Variants in GPC6 observed in about 807,000 individuals in gnomAD.
GPC6 encodes glypican 6.
In GPC6, 14 loss-of-function variants were observed where a neutral mutation model predicts 55.2. The observed-to-expected ratio is 0.25, with a 90% CI of 0.17 to 0.40. The LOEUF (loss-of-function observed/expected upper bound fraction) is 0.40, where lower values mean the gene tolerates loss of function less well. Ranked by LOEUF, GPC6 falls within the 10% of genes least tolerant of loss-of-function variation. GPC6 has a pLI of 1.00. For missense variants in GPC6, 641 were observed against 708.5 expected (o/e 0.90, Z 1.08); for synonymous variants, 278 against 259.6 (o/e 1.07, Z -0.68).
chr13:93,549,621 C>T (rs531378906), intron 2 of GPC6, among the ~76,000 whole-genome samples: 1 of 152,280 alleles, frequency 6.6e-6, no homozygotes, highest in South Asian at 2.1e-4. Flanking sequence ...CTCTCCAGTG[C>T]TTTCCAGTTC....
At chr13:93,413,710 A>G (rs1413168000) in intron 1 of GPC6, among the ~76,000 whole-genome samples, 1 of 152,132 alleles carries the variant, frequency 6.6e-6, no homozygotes, top group Non-Finnish European at 1.5e-5. Flanking sequence ...ACCTATTTTC[A>G]AGGATGTAGA....
intron 6 of GPC6, among the ~76,000 whole-genome samples, chr13:94,339,624 A>C (rs987644765): frequency 2.6e-5 from 4 of 152,136 alleles, no homozygotes; most frequent in Non-Finnish European, 5.9e-5. Context: ...TTGTAGGTCA[A>C]AGTAGTAAAA....
chr13:93,409,499 G>A (rs2139242714), intron 1 of GPC6, among the ~76,000 whole-genome samples: 1 of 152,226 alleles, frequency 6.6e-6, no homozygotes, highest in South Asian at 2.1e-4. Context: ...AAAAAGGGAA[G>A]GTGTTGCCTC....
intron 3 of GPC6, among the ~76,000 whole-genome samples, chr13:93,903,483 T>C (rs1376530160): frequency 6.6e-6 from 1 of 152,228 alleles, no homozygotes; most frequent in Admixed American, 6.5e-5. Flanking sequence ...TTTCTACTTT[T>C]CTTAATGCTC....
At chr13:93,867,573 A>C (rs1291750816) in intron 3 of GPC6, among the ~76,000 whole-genome samples, 1 of 151,766 alleles carries the variant, frequency 6.6e-6, no homozygotes, top group Non-Finnish European at 1.5e-5. Flanking sequence ...TAGTCATTCC[A>C]TTTGTATAAA....
rs117796322 is a variant in GPC6, at chr13:93,999,041, T to C, written c.712-28688T>C. Reference sequence around the variant, plus strand: ...CTGCTTCTATGAGTTTGAATTTTTTTTATTATAGTTTAAGTTCTGGGGTAC... The same window carrying C: ...CTGCTTCTATGAGTTTGAATTTTTTCTATTATAGTTTAAGTTCTGGGGTAC... On this transcript the variant is annotated intron_variant, in intron 3 of 8. Coordinates refer to ENST00000377047, the MANE Select transcript of GPC6 (RefSeq NM_005708.5). 6.6e-3 allele frequency among the ~76,000 whole-genome samples: 1,010 copies of C among 152,298 alleles called. 9 individuals are homozygous for C. The highest frequency in any genetic ancestry group is 0.02 in the Middle Eastern group (6 of 294).
At position 94,217,727 on chromosome 13, in the gene GPC6, A is replaced by G. The variant is rs186214703; in HGVS notation, c.878-68622A>G. Among the ~76,000 whole-genome samples the G allele has an allele frequency of 5.1e-3, 777 of 152,336 alleles. 3 individuals are homozygous for G. Among genetic ancestry groups the G allele is most frequent in the South Asian group, 0.012 (58 of 4,830 alleles). On this transcript the variant is annotated intron_variant, in intron 4 of 8. Transcript: ENST00000377047. ...TGAAACATTAAAAAGAAGCATAAAT[A>G]AAGCAAGTAGGATCAGTGGTTAAGA... is the stretch of plus-strand genomic sequence containing the variant.
intron 1 of GPC6, among the ~76,000 whole-genome samples, chr13:93,502,620 A>T (rs547483016): frequency 6.6e-6 from 1 of 152,264 alleles, no homozygotes; most frequent in African/African-American, 2.4e-5. Context: ...ACACTGGAAG[A>T]ATATTTCTTC....
chr13:93,235,825 A>G (rs1184253503), intron 1 of GPC6, among the ~76,000 whole-genome samples: 3 of 132,476 alleles, frequency 2.3e-5, no homozygotes, highest in Non-Finnish European at 4.7e-5. Flanking sequence ...GTTATTTCAC[A>G]TAACAAGAAG....
At chr13:94,226,219 T>C (rs941860192) in intron 4 of GPC6, among the ~76,000 whole-genome samples, 1 of 152,132 alleles carries the variant, frequency 6.6e-6, no homozygotes, top group Non-Finnish European at 1.5e-5. Context: ...CATAAATAAT[T>C]TTTGCTTAGT....
intron 3 of GPC6, among the ~76,000 whole-genome samples, chr13:94,001,151 C>A (rs756471545): frequency 5.9e-5 from 9 of 152,252 alleles, no homozygotes; most frequent in Middle Eastern, 3.4e-3. Flanking sequence ...TTATTGAACA[C>A]CTTAGGCAAG....
At chr13:93,906,684 T>C (rs1876688188) in intron 3 of GPC6, among the ~76,000 whole-genome samples, 2 of 152,178 alleles carry the variant, frequency 1.3e-5, no homozygotes, top group African/African-American at 2.4e-5. Flanking sequence ...AGGAGGTGTA[T>C]TCAAATGACG....
intron 2 of GPC6, among the ~76,000 whole-genome samples, chr13:93,771,209 A>G (rs1158285438): frequency 6.6e-5 from 10 of 152,192 alleles, no homozygotes; most frequent in Non-Finnish European, 2.9e-5. Flanking sequence ...CAAGGTCACA[A>G]AGTACATCAG....
At chr13:93,657,144 G>A (rs1043473558) in intron 2 of GPC6, among the ~76,000 whole-genome samples, 2 of 151,902 alleles carry the variant, frequency 1.3e-5, no homozygotes, top group South Asian at 2.1e-4. Flanking sequence ...AATAGCCAAA[G>A]CAATCCCAAG....
intron 2 of GPC6, among the ~76,000 whole-genome samples, chr13:93,673,129 G>A (rs1007810199): frequency 6.6e-6 from 1 of 152,056 alleles, no homozygotes; most frequent in Non-Finnish European, 1.5e-5. Context: ...TGGCAGTTAG[G>A]TGGAGAAACC....
chr13:93,903,913 G>A (rs764837990), intron 3 of GPC6, among the ~76,000 whole-genome samples: 2 of 151,694 alleles, frequency 1.3e-5, no homozygotes, highest in Non-Finnish European at 2.9e-5. Flanking sequence ...TTCCCTGTGT[G>A]TAGTATCATC....
chr13:94,150,814 G>GTATATATATATATA lies in GPC6; in HGVS notation c.877+122924_877+122937dup, dbSNP rs34636081. On this transcript the variant is annotated intron_variant, in intron 4 of 8. Transcript: ENST00000377047. Reference sequence around the variant, plus strand: ...TGAAGCAGAAAGAGAGAGATCAGCAGTATATATATATATATATGTTTATTG... The same window carrying GTATATATATATATA: ...TGAAGCAGAAAGAGAGAGATCAGCAGTATATATATATATATATATATATATATATATGTTTATTG... 9.9e-3 allele frequency among the ~76,000 whole-genome samples: 998 copies of GTATATATATATATA among 100,624 alleles called. 76 individuals are homozygous for GTATATATATATATA. Among genetic ancestry groups the GTATATATATATATA allele is most frequent in the African/African-American group, 0.024 (628 of 26,010 alleles). 66.0% of individuals were successfully genotyped at this position (100,624 alleles called of 152,430 possible).
intron 2 of GPC6, among the ~76,000 whole-genome samples, chr13:93,659,196 G>C (rs1326594289): frequency 2.6e-5 from 4 of 151,622 alleles, no homozygotes; most frequent in African/African-American, 9.7e-5. Context: ...ATATCTGTAG[G>C]GTCTGTAATA....
intron 4 of GPC6, among the ~76,000 whole-genome samples, chr13:94,249,867 G>A (rs142510816): frequency 6.6e-6 from 1 of 152,238 alleles, no homozygotes; most frequent in Non-Finnish European, 1.5e-5. Context: ...GTTGCAATTT[G>A]CACCTCAAGG....
Sources: gnomAD v4.1 joint callset for allele counts (sites outside exome capture counted in the v4.1 genomes callset) on GRCh38, gnomAD v4.1.1 for gene constraint, MANE v1.5 for transcripts, NCBI Gene and HGNC (gene_info 2026-07-23, HGNC 2026-07-21) for gene names.